Variants in HIVEP1 observed in about 807,000 individuals in gnomAD.
The protein encoded by HIVEP1 is HIVEP zinc finger 1.
HIVEP1 carries 36 observed loss-of-function variants against 180.0 expected under a neutral mutation model. The ratio of observed to expected loss-of-function variants is 0.20; its 90% CI spans 0.15 to 0.26. HIVEP1 has a LOEUF of 0.26. Among genes scored for constraint, HIVEP1 ranks in the 10% least tolerant of loss-of-function variants. The pLI, the probability that HIVEP1 is intolerant of heterozygous loss-of-function variation, is 1.00. For synonymous variants in HIVEP1, 1,239 were observed against 1,239.0 expected, an observed-to-expected ratio of 1.00 and a Z score of 0.00; for missense variants, 3,143 against 3,268.7, an observed-to-expected ratio of 0.96 and a Z score of 0.94.
At chr6:12,210,458 A>G in the HIVEP1 span, among the ~76,000 whole-genome samples, 1 of 151,116 alleles carries the variant, frequency 6.6e-6, no homozygotes. Flanking sequence ...ATTTCAGCAT[A>G]GTTAGAGTAG....
chr6:12,180,112 A>G, the HIVEP1 span, among the ~76,000 whole-genome samples: 1 of 151,780 alleles, frequency 6.6e-6, no homozygotes. Context: ...AACACTTCAC[A>G]TTTTTTTTCG....
At chr6:12,078,948 A>G (rs1451630370) in intron 2 of HIVEP1, among the ~76,000 whole-genome samples, 1 of 152,010 alleles carries the variant, frequency 6.6e-6, no homozygotes, top group Admixed American at 6.6e-5. Flanking sequence ...GCGTGCGTGT[A>G]TGCGTGTGCA....
upstream of HIVEP1, among the ~76,000 whole-genome samples, chr6:12,011,754 A>G (rs989381305): frequency 3.4e-5 from 5 of 145,678 alleles, no homozygotes; most frequent in African/African-American, 1.3e-4. Context: ...CCGGGCGCCC[A>G]TCCAGTCCCT....
At position 12,121,521 on chromosome 6, in the gene HIVEP1, G is replaced by T. The variant is rs904063921; in HGVS notation, c.1726G>T (p.Asp576Tyr). 2 of 1,614,140 alleles carry T rather than the reference G, an allele frequency of 1.2e-6. No homozygotes were observed. The highest frequency in any genetic ancestry group is 1.7e-6 in the Non-Finnish European group (2 of 1,180,028). The change falls in exon 4 of 9, where the codon GAC (aspartate) becomes TAC (tyrosine). Residue 576 changes from aspartate to tyrosine, a missense_variant. By Grantham distance (160) the Asp-to-Tyr change is radical. Coordinates refer to ENST00000379388, the MANE Select transcript of HIVEP1 (RefSeq NM_002114.4). The surrounding 1 kb of genome is among the most constrained non-coding windows in gnomAD (Gnocchi z 5.3). ...TGTCACTGTGTCCCCCTTAAGAACT[G>T]ACAGTCCAAAGGCCATGGATCCCAA... The part of the protein sequence containing the change: ...HHVTVSPLRT[D>Y]SPKAMDPKPE...
At chr6:12,175,865 C>T in the HIVEP1 span, among the ~76,000 whole-genome samples, 1 of 152,148 alleles carries the variant, frequency 6.6e-6, no homozygotes, top group Non-Finnish European at 1.5e-5. Context: ...TACGTATTGC[C>T]TGGCTCTTCT....
chr6:12,121,557 T>C lies in HIVEP1; in HGVS notation c.1762T>C (p.Ser588Pro), dbSNP rs1757662982. 5 of 1,613,984 alleles carry C rather than the reference T, an allele frequency of 3.1e-6. No homozygotes were observed. The East Asian group carries it at 6.7e-5, about 22-fold the overall frequency. Residue 588 changes from serine (S) to proline (P), a missense_variant, in exon 4 of 9, where the codon TCT becomes CCT. By Grantham distance (74) the Ser-to-Pro change is moderately conservative. This residue lies in a region of HIVEP1 where 365 missense variants were observed against 344.4 expected (regional missense o/e 1.06). Transcript: ENST00000379388. The surrounding 1 kb of genome is among the most constrained non-coding windows in gnomAD (Gnocchi z 5.3). ...GGCCATGGATCCCAAGCCTGAACTTTCTAGTGCACAAAAGCAGAAGGACCT... is the reference window on the plus strand; with the variant it reads ...GGCCATGGATCCCAAGCCTGAACTTCCTAGTGCACAAAAGCAGAAGGACCT... ...PKAMDPKPEL[S>P]SAQKQKDLQV... is the part of the protein sequence containing the mutation.
chr6:12,203,192 C>T, the HIVEP1 span, among the ~76,000 whole-genome samples: 13 of 152,214 alleles, frequency 8.5e-5, no homozygotes, highest in Non-Finnish European at 1.8e-4. Context: ...CTGAAAACAG[C>T]ACTGTGGCAG....
chr6:12,190,056 T>TAC, the HIVEP1 span, among the ~76,000 whole-genome samples: 1 of 152,226 alleles, frequency 6.6e-6, no homozygotes, highest in Non-Finnish European at 1.5e-5. Flanking sequence ...TATATTATGC[T>TAC]ACCTTTTCAG....
At chr6:12,188,504 T>C in the HIVEP1 span, among the ~76,000 whole-genome samples, 1 of 152,150 alleles carries the variant, frequency 6.6e-6, no homozygotes, top group African/African-American at 2.4e-5. Context: ...GATTCTGTGA[T>C]TGTACACATG....
At chr6:12,175,495 T>C in the HIVEP1 span, among the ~76,000 whole-genome samples, 1 of 152,254 alleles carries the variant, frequency 6.6e-6, no homozygotes, top group South Asian at 2.1e-4. Flanking sequence ...TAATTTTAAA[T>C]GCTTTCCAAT....
chr6:12,131,439 C>T (rs1343858106), intron 6 of HIVEP1, among the ~76,000 whole-genome samples: 1 of 149,330 alleles, frequency 6.7e-6, no homozygotes, highest in Non-Finnish European at 1.5e-5. Flanking sequence ...CTTTTTTTTA[C>T]ATAAATACTG....
chr6:12,017,636 A>T (rs1480828386), intron 2 of HIVEP1, among the ~76,000 whole-genome samples: 4 of 139,736 alleles, frequency 2.9e-5, no homozygotes, highest in African/African-American at 1.0e-4. Context: ...TCTGTTTTAC[A>T]GAGAGCTGAT....
chr6:12,189,034 G>A, the HIVEP1 span, among the ~76,000 whole-genome samples: 1 of 152,006 alleles, frequency 6.6e-6, no homozygotes, highest in East Asian at 1.9e-4. Context: ...TATGTTGAAT[G>A]TATACTTTGT....
chr6:12,165,700 GCA>G (rs1436055007), downstream of HIVEP1, among the ~76,000 whole-genome samples: 2 of 152,218 alleles, frequency 1.3e-5, no homozygotes, highest in African/African-American at 4.8e-5. Context: ...TAAATACTTA[GCA>G]CATCATTAAG....
intron 2 of HIVEP1, 49 bp from the exon 3 acceptor site, chr6:12,089,133 CTT>C (rs1012458875): frequency 2.0e-6 from 2 of 1,021,322 alleles, no homozygotes; most frequent in African/African-American, 3.3e-5. Flanking sequence ...TTACTGTACT[CTT>C]ATTTGTTTAA....
At chr6:12,032,507 A>G (rs1428884823) in intron 2 of HIVEP1, among the ~76,000 whole-genome samples, 1 of 152,142 alleles carries the variant, frequency 6.6e-6, no homozygotes, top group Non-Finnish European at 1.5e-5. Flanking sequence ...AAAAAGCAAG[A>G]GTTTGGAGTT....
Position 12,124,009 on chromosome 6 carries a change from A to C in HIVEP1, c.4214A>C (p.Gln1405Pro), listed in dbSNP as rs1416139347. 1.2e-6 allele frequency: 2 copies of C among 1,614,094 alleles called. No individual in the cohort carries two copies. The highest frequency in any genetic ancestry group is 4.5e-5 in the East Asian group (2 of 44,882). ...CAGACAACACCACTTACTGAATTGCAGCCTCCATCTTCACCTTCTCGAGTG... is the reference window on the plus strand; with the variant it reads ...CAGACAACACCACTTACTGAATTGCCGCCTCCATCTTCACCTTCTCGAGTG... ...PPQTTPLTEL[Q>P]PPSSPSRVGV... The change falls in exon 4 of 9, where the codon CAG becomes CCG. Residue 1405 changes from glutamine (Q) to proline (P), a missense_variant. Physicochemically the swap from Gln to Pro is moderately conservative, Grantham distance 76. Around this residue, in one of 12 missense-constraint regions of HIVEP1, gnomAD observed 1,357 missense variants for 1,260.5 expected, o/e 1.08. Transcript: ENST00000379388.
Position 12,161,797 on chromosome 6 carries a change from G to C in HIVEP1, c.6846G>C (p.Ala2282=), listed in dbSNP as rs751840686. The change falls in exon 8 of 9, where the codon GCG becomes GCC. Residue 2282 remains alanine, a synonymous_variant. Transcript: ENST00000379388. ...CGGGGAAGGCCAGGCAGCGTGCTGC[G>C]AGAGATGAAAACGACACAATTCCGT... The part of the protein sequence containing the change: ...LSPGKARQRA[A]RDENDTIPSV... The C allele has an allele frequency of 1.2e-6, 2 of 1,614,056 alleles. No homozygotes were observed. The highest frequency in any genetic ancestry group is 2.7e-5 in the African/African-American group (2 of 74,942).
At chr6:12,171,862 T>A in the HIVEP1 span, among the ~76,000 whole-genome samples, 4 of 152,184 alleles carry the variant, frequency 2.6e-5, no homozygotes, top group Non-Finnish European at 4.4e-5. Context: ...AACATTCTAG[T>A]ATGATTCACG....
Sources: allele counts gnomAD v4.1 joint callset (sites outside exome capture counted in the v4.1 genomes callset), GRCh38; gene constraint gnomAD v4.1.1; regional missense constraint gnomAD v4.1.1; non-coding constraint Gnocchi (gnomAD v3.1); transcripts MANE v1.5; gene names NCBI Gene and HGNC (gene_info 2026-07-23, HGNC 2026-07-21).